Variants in ZNF827 observed in about 807,000 individuals in gnomAD.
ZNF827 encodes zinc finger protein 827.
In ZNF827, 13 loss-of-function variants were observed where a neutral mutation model predicts 102.4. That is an observed-to-expected ratio of 0.13 (90% CI 0.08 to 0.20). The LOEUF (loss-of-function observed/expected upper bound fraction) is 0.20, where lower values mean the gene tolerates loss of function less well. ZNF827 is among the 10% of genes least tolerant of loss of function. The pLI is 1.00. For synonymous variants in ZNF827, 523 were observed against 536.2 expected (o/e 0.98, Z 0.34); for missense variants, 1,103 against 1,344.4 (o/e 0.82, Z 2.81).
intron 2 of ZNF827, among the ~76,000 whole-genome samples, chr4:145,898,439 A>G (rs914798589): frequency 1.3e-5 from 2 of 152,202 alleles, no homozygotes; most frequent in Admixed American, 6.5e-5. Context: ...TCTTTTAAAC[A>G]GGAGTCTGGC....
chr4:145,925,854 C>T (rs751939891), intron 1 of ZNF827, among the ~76,000 whole-genome samples: 7 of 152,174 alleles, frequency 4.6e-5, no homozygotes, highest in Non-Finnish European at 1.0e-4. Context: ...AGAAAATCAC[C>T]CCCAACGGGT....
At chr4:145,830,947 A>G (rs1579309849) in intron 7 of ZNF827, 1 of 152,354 alleles carries the variant, frequency 6.6e-6, no homozygotes, top group Middle Eastern at 3.4e-3. Flanking sequence ...AAATGTGCCC[A>G]GATATTAACA....
chr4:145,892,539 T>C (rs1750684244), intron 2 of ZNF827, 124 bp from the exon 3 acceptor site: 11 of 1,042,768 alleles, frequency 1.1e-5, no homozygotes, highest in Non-Finnish European at 1.5e-5. Flanking sequence ...TTCTTGACAA[T>C]TCCGAGATTT....
intron 6 of ZNF827, among the ~76,000 whole-genome samples, chr4:145,846,476 T>TCAAA (rs1213121592): frequency 3.5e-5 from 5 of 142,754 alleles, no homozygotes; most frequent in East Asian, 2.1e-4. Context: ...AGACTCTGTC[T>TCAAA]CAAACAAACA....
At position 145,765,056 on chromosome 4, in the gene ZNF827, C is replaced by T; in HGVS notation, c.3162G>A (p.Lys1054=). The change falls in exon 13 of 15, where the codon AAG becomes AAA. Residue 1054 remains lysine (K), a synonymous_variant. Coordinates refer to ENST00000508784, the MANE Select transcript of ZNF827 (RefSeq NM_001306215.2). The surrounding 1 kb of genome is among the most constrained non-coding windows in gnomAD (Gnocchi z 4.7). ...GCAGCTGTTCGGGGGTCTTCATGAA[C>T]TTGTGGCACACATCACACTCAAACA... The part of the protein sequence containing the change: ...TRMFECDVCH[K]FMKTPEQLLE... 1 of 1,614,212 alleles carries T rather than the reference C, an allele frequency of 6.2e-7. No homozygotes were observed.
At chr4:145,881,567 T>C (rs947953522) in intron 4 of ZNF827, among the ~76,000 whole-genome samples, 1 of 152,166 alleles carries the variant, frequency 6.6e-6, no homozygotes, top group South Asian at 2.1e-4. Flanking sequence ...AAAGAAATGA[T>C]GTAAGGCCGT....
chr4:145,790,474 T>A (rs1248446645), intron 8 of ZNF827, among the ~76,000 whole-genome samples: 1 of 152,202 alleles, frequency 6.6e-6, no homozygotes, highest in Admixed American at 6.5e-5. Context: ...GTTAATTTAC[T>A]CCTGAAATGT....
At chr4:145,935,301 C>A (rs1754079179) in intron 1 of ZNF827, among the ~76,000 whole-genome samples, 1 of 152,180 alleles carries the variant, frequency 6.6e-6, no homozygotes, top group African/African-American at 2.4e-5. Flanking sequence ...TTATATTCGA[C>A]ATTAAATACA....
intron 3 of ZNF827, among the ~76,000 whole-genome samples, chr4:145,890,703 C>T (rs1270200920): frequency 2.0e-5 from 3 of 152,168 alleles, no homozygotes; most frequent in East Asian, 3.8e-4. Context: ...ATCCTGCTAA[C>T]GAAATTCAAC....
At chr4:145,895,640 G>C (rs1318981071) in intron 2 of ZNF827, among the ~76,000 whole-genome samples, 1 of 152,096 alleles carries the variant, frequency 6.6e-6, no homozygotes, top group African/African-American at 2.4e-5. Context: ...TTCACCTTTG[G>C]CCAGTCATCT....
chr4:145,845,832 G>T, intron 7 of ZNF827, 124 bp downstream of exon 7: 2 of 889,948 alleles, frequency 2.2e-6, no homozygotes, highest in Non-Finnish European at 3.6e-6. Context: ...AGAACATGGT[G>T]GTAAAGGGTG....
chr4:145,839,658 T>C lies in ZNF827; in HGVS notation c.2279+6298A>G, dbSNP rs893887758. The C allele has an allele frequency of 2.0e-5, 3 of 152,260 alleles. No homozygotes were observed. In the South Asian group the frequency reaches 6.2e-4, roughly 31 times the overall value. The allele number at this position is 152,260 out of a possible 1,614,324, so 9.4% of individuals were successfully genotyped here. ...GACACTCTTCAGAGAAAATTCCAGA[T>C]AAGAACAGCATCTAAGCCTCACCTA... On this transcript the variant is annotated intron_variant, in intron 7 of 14. Coordinates refer to ENST00000508784, the MANE Select transcript of ZNF827 (RefSeq NM_001306215.2).
chr4:145,782,626 AAC>A (rs1244947144), intron 8 of ZNF827, among the ~76,000 whole-genome samples: 1 of 152,168 alleles, frequency 6.6e-6, no homozygotes. Context: ...GACCCCTTCC[AAC>A]AGCCCTTCCT....
intron 3 of ZNF827, 145 bp downstream of exon 3, chr4:145,892,098 C>T: frequency 1.4e-6 from 1 of 694,470 alleles, no homozygotes; most frequent in South Asian, 3.4e-5. Flanking sequence ...CTGTTGAATT[C>T]TACCTTGCTA....
chr4:145,887,882 C>T (rs1441610963), intron 3 of ZNF827, among the ~76,000 whole-genome samples: 1 of 152,164 alleles, frequency 6.6e-6, no homozygotes, highest in Non-Finnish European at 1.5e-5. Flanking sequence ...CTTCCATTGT[C>T]CCTGAGAGCA....
At chr4:145,802,185 A>G (rs1010821530) in intron 8 of ZNF827, among the ~76,000 whole-genome samples, 1 of 152,208 alleles carries the variant, frequency 6.6e-6, no homozygotes, top group African/African-American at 2.4e-5. Context: ...CTTTCCTCCC[A>G]CTTAAATTCA....
intron 11 of ZNF827, among the ~76,000 whole-genome samples, chr4:145,766,495 C>T (rs930620138): frequency 6.6e-6 from 1 of 152,192 alleles, no homozygotes; most frequent in Admixed American, 6.5e-5. Context: ...CCTTGAGACT[C>T]TCCAGGCTTC....
In ZNF827 at chr4:145,885,926, G is replaced by T. The variant is rs779988293; in HGVS notation, c.1499C>A (p.Thr500Asn). ...CTCTGGAGTGTTAGACGTCATCATG[G>T]TCCCCACTAGCTCTGTCCCTCCTCC... ...REGGGTELVG[T>N]MMTSNTPERT... The change falls in exon 4 of 15, where the codon ACC (threonine) becomes AAC (asparagine). Residue 500 changes from threonine to asparagine, a missense_variant. Transcript: ENST00000508784. 3.1e-6 allele frequency: 5 copies of T among 1,614,190 alleles called. No homozygotes were observed. The South Asian group carries it at 5.5e-5, about 18-fold the overall frequency.
At chr4:145,926,147 C>T (rs1753402154) in intron 1 of ZNF827, among the ~76,000 whole-genome samples, 2 of 152,250 alleles carry the variant, frequency 1.3e-5, no homozygotes, top group Non-Finnish European at 2.9e-5. Context: ...ATCCCTGACA[C>T]ACTTTGCTCA....
Sources: allele counts gnomAD v4.1 joint callset (sites outside exome capture counted in the v4.1 genomes callset), GRCh38; gene constraint gnomAD v4.1.1; non-coding constraint Gnocchi (gnomAD v3.1); transcripts MANE v1.5; gene names NCBI Gene and HGNC (gene_info 2026-07-23, HGNC 2026-07-21).